Variants in TRPC7 observed in about 807,000 individuals in gnomAD.
The protein encoded by TRPC7 is transient receptor potential cation channel subfamily C member 7, also known as short transient receptor potential channel 7.
TRPC7 carries 42 observed loss-of-function variants against 90.1 expected under a neutral mutation model. The ratio of observed to expected loss-of-function variants is 0.47; its 90% CI spans 0.36 to 0.60. The LOEUF (loss-of-function observed/expected upper bound fraction) is 0.60. TRPC7 is among the 20% of genes least tolerant of loss of function. TRPC7 has a pLI of 0.00. For missense variants in TRPC7, 955 were observed against 1,112.3 expected (o/e 0.86, Z 2.01); for synonymous variants, 451 against 436.3 (o/e 1.03, Z -0.42).
At chr5:136,357,429 C>A in intron 1 of TRPC7, 44 bp from the exon 2 acceptor site, 1 of 1,537,766 alleles carries the variant, frequency 6.5e-7, no homozygotes, top group South Asian at 1.2e-5. Context: ...CCTGCGGATT[C>A]CCTAGCAGTA....
At chr5:136,306,179 T>A (rs1758621483) in intron 3 of TRPC7, among the ~76,000 whole-genome samples, 1 of 152,220 alleles carries the variant, frequency 6.6e-6, no homozygotes, top group Admixed American at 6.5e-5. Context: ...CTGCCACTCT[T>A]AACTCTTGAA....
At chr5:136,240,963 A>G (rs1271276288) in intron 7 of TRPC7, among the ~76,000 whole-genome samples, 1 of 152,126 alleles carries the variant, frequency 6.6e-6, no homozygotes, top group Non-Finnish European at 1.5e-5. Flanking sequence ...CGAGTACGTG[A>G]AGCTCAGCCT....
intron 2 of TRPC7, among the ~76,000 whole-genome samples, chr5:136,342,966 T>C (rs543694583): frequency 2.6e-5 from 4 of 152,258 alleles, no homozygotes; most frequent in African/African-American, 7.2e-5. Context: ...TATTTGGGAA[T>C]TGGTATGTGA....
At chr5:136,235,280 A>C (rs1167659913) in intron 7 of TRPC7, among the ~76,000 whole-genome samples, 1 of 152,260 alleles carries the variant, frequency 6.6e-6, no homozygotes, top group Non-Finnish European at 1.5e-5. Context: ...AAAAATTTTC[A>C]GTGAAAACTT....
intron 3 of TRPC7, among the ~76,000 whole-genome samples, chr5:136,292,475 C>G (rs1410954051): frequency 4.0e-5 from 6 of 150,570 alleles, no homozygotes; most frequent in African/African-American, 1.2e-4. Flanking sequence ...ACCACTGATC[C>G]CACAGAAATA....
In TRPC7 at chr5:136,247,903, TG is replaced by T. The variant is rs1357224436; in HGVS notation, c.1580-169del. ...TGCCACCCTCCCTCTTGGAATGTGCTGGACCATCTGCCTGGAACACTCTTCT... is the reference window on the plus strand; with the variant it reads ...TGCCACCCTCCCTCTTGGAATGTGCTGACCATCTGCCTGGAACACTCTTCT... On this transcript the variant is annotated intron_variant, in intron 6 of 11. Transcript: ENST00000513104. This position sits in a 1 kb window ranked among gnomAD's most constrained non-coding sequence, Gnocchi z 4.2. Among the ~76,000 whole-genome samples, 1 of 152,248 alleles carries T rather than the reference TG, an allele frequency of 6.6e-6. No individual in the cohort carries two copies. The highest frequency in any genetic ancestry group is 2.4e-5 in the African/African-American group (1 of 41,474).
At chr5:136,310,018 T>C (rs1758775648) in intron 3 of TRPC7, among the ~76,000 whole-genome samples, 1 of 151,990 alleles carries the variant, frequency 6.6e-6, no homozygotes, top group Admixed American at 6.5e-5. Flanking sequence ...AATAAAAAGA[T>C]TAAAATCCTT....
At chr5:136,306,409 C>A (rs1413001781) in intron 3 of TRPC7, among the ~76,000 whole-genome samples, 2 of 152,204 alleles carry the variant, frequency 1.3e-5, no homozygotes, top group African/African-American at 4.8e-5. Context: ...TCAGCTTAAT[C>A]TCTCCCACTT....
chr5:136,321,235 G>C (rs555003313), intron 2 of TRPC7, among the ~76,000 whole-genome samples: 1 of 152,234 alleles, frequency 6.6e-6, no homozygotes, highest in African/African-American at 2.4e-5. Flanking sequence ...TGGCACACTT[G>C]AGGCTCAATT....
intron 10 of TRPC7, among the ~76,000 whole-genome samples, chr5:136,224,492 G>A (rs887222815): frequency 6.6e-6 from 1 of 151,922 alleles, no homozygotes; most frequent in Non-Finnish European, 1.5e-5. Flanking sequence ...GGTGTGCCTC[G>A]CCCTCCCCAT....
At position 136,247,907 on chromosome 5, in the gene TRPC7, C is replaced by T. The variant is rs1756394716; in HGVS notation, c.1580-172G>A. On this transcript the variant is annotated intron_variant, in intron 6 of 11. Coordinates refer to ENST00000513104, the MANE Select transcript of TRPC7 (RefSeq NM_020389.3). The surrounding 1 kb of genome is among the most constrained non-coding windows in gnomAD (Gnocchi z 4.2). ...ACCCTCCCTCTTGGAATGTGCTGGA[C>T]CATCTGCCTGGAACACTCTTCTCTC... Among the ~76,000 whole-genome samples the T allele has an allele frequency of 6.6e-6, 1 of 152,196 alleles. No homozygotes were observed. Among genetic ancestry groups the T allele is most frequent in the South Asian group, 2.1e-4 (1 of 4,832 alleles).
chr5:136,365,503 A>C lies in TRPC7; in HGVS notation c.-249T>G. The C allele has an allele frequency of 1.8e-6, 1 of 567,940 alleles. No homozygotes were observed. The highest frequency in any genetic ancestry group is 3.1e-6 in the Non-Finnish European group (1 of 319,330). The allele number at this position is 567,940 out of a possible 1,614,324, so 35.2% of individuals were successfully genotyped here. A position where few individuals can be genotyped will look rare whatever the true frequency, so the allele number is the denominator to read the frequency against. On this transcript the variant is annotated 5_prime_UTR_variant, in exon 1 of 12. Coordinates refer to ENST00000513104, the MANE Select transcript of TRPC7 (RefSeq NM_020389.3). ...TACCGTCCTTTTCCTAATCGGGGGG[A>C]AATTTCCCAGAGAACATGACGGAGA... is the stretch of plus-strand genomic sequence containing the variant.
chr5:136,213,698 AT>A, intron 11 of TRPC7, 94 bp from the exon 12 acceptor site: 1 of 1,423,580 alleles, frequency 7.0e-7, no homozygotes, highest in Non-Finnish European at 9.7e-7. Context: ...TTCCAGTGGA[AT>A]GTCGGGTCCT....
At chr5:136,332,932 C>T (rs754147544) in intron 2 of TRPC7, among the ~76,000 whole-genome samples, 9 of 152,168 alleles carry the variant, frequency 5.9e-5, no homozygotes, top group African/African-American at 1.9e-4. Flanking sequence ...GCCTGCATCT[C>T]GCAGTTTTCT....
chr5:136,363,948 TA>T (rs999392125), intron 1 of TRPC7, among the ~76,000 whole-genome samples: 1 of 152,204 alleles, frequency 6.6e-6, no homozygotes, highest in African/African-American at 2.4e-5. Flanking sequence ...GCTTTATTTT[TA>T]AAAAAGATTT....
intron 2 of TRPC7, among the ~76,000 whole-genome samples, chr5:136,333,608 T>C (rs923127895): frequency 6.6e-6 from 1 of 152,200 alleles, no homozygotes; most frequent in Non-Finnish European, 1.5e-5. Flanking sequence ...TCAGATTTCA[T>C]GGCCTGGAGG....
rs544199120 is a variant in TRPC7, at chr5:136,299,557, G to A, written c.963+16040C>T. Among the ~76,000 whole-genome samples the A allele has an allele frequency of 1.6e-4, 24 of 152,218 alleles. 3 individuals carry two copies. In the South Asian group the frequency reaches 4.8e-3, roughly 30 times the overall value. ...AACTCCCCTTCCATCAAGAAAATTT[G>A]CAAGTGACCTTAGGCAGATGAATGT... On this transcript the variant is annotated intron_variant, in intron 3 of 11. Coordinates refer to ENST00000513104, the MANE Select transcript of TRPC7 (RefSeq NM_020389.3).
rs1760384159 is a variant in TRPC7 at position 136,356,612 on chromosome 5, A to C, written c.776T>G (p.Phe259Cys). Residue 259 changes from phenylalanine (F) to cysteine (C), a missense_variant, in exon 2 of 12, where the codon TTT becomes TGT. Phe to Cys is a radical substitution (Grantham distance 205). Coordinates refer to ENST00000513104, the MANE Select transcript of TRPC7 (RefSeq NM_020389.3). ...LARLANIETE[F>C]KNDYRKLSMQ... ...GGTGCTAAGTGGAAGAGTTACCTTA[A>C]ATTCAGTCTCAATGTTGGCTAGTCT... 2.0e-6 allele frequency: 3 copies of C among 1,529,710 alleles called. No homozygotes were observed. In the South Asian group the frequency reaches 3.9e-5, roughly 20 times the overall value. The allele number at this position is 1,529,710 out of a possible 1,614,324, so 94.8% of individuals were successfully genotyped here. A position where few individuals can be genotyped will look rare whatever the true frequency, so the allele number is the denominator to read the frequency against.
intron 3 of TRPC7, among the ~76,000 whole-genome samples, chr5:136,308,253 C>G (rs1758711483): frequency 1.3e-5 from 2 of 152,158 alleles, no homozygotes; most frequent in African/African-American, 4.8e-5. Context: ...GGATATTGAT[C>G]ACTTTTGTGG....
Sources: allele counts gnomAD v4.1 joint callset (sites outside exome capture counted in the v4.1 genomes callset), GRCh38; gene constraint gnomAD v4.1.1; non-coding constraint Gnocchi (gnomAD v3.1); transcripts MANE v1.5; gene names NCBI Gene and HGNC (gene_info 2026-07-23, HGNC 2026-07-21).